PARD3: variants seen among roughly 807,000 people sequenced by gnomAD.
The protein encoded by PARD3 is par-3 family cell polarity regulator.
A neutral mutation model predicts 155.4 loss-of-function variants in PARD3; 75 were observed. That is an observed-to-expected ratio of 0.48 (90% CI 0.40 to 0.58). The LOEUF (loss-of-function observed/expected upper bound fraction) is 0.58, where lower values mean the gene tolerates loss of function less well. PARD3 is among the 20% of genes least tolerant of loss of function. The pLI, the probability that PARD3 is intolerant of heterozygous loss-of-function variation, is 0.00. For missense variants in PARD3, 1,642 were observed against 1,721.7 expected, an observed-to-expected ratio of 0.95 and a Z score of 0.82; for synonymous variants, 576 against 610.5, an observed-to-expected ratio of 0.94 and a Z score of 0.83.
chr10:34,705,183 G>A (rs1021933573), intron 1 of PARD3, among the ~76,000 whole-genome samples: 11 of 152,116 alleles, frequency 7.2e-5, no homozygotes, highest in African/African-American at 2.2e-4. Context: ...ATGCTGATTG[G>A]CCAGGTGCAG....
chr10:34,780,188 G>C (rs1480932090), intron 1 of PARD3, among the ~76,000 whole-genome samples: 1 of 152,140 alleles, frequency 6.6e-6, no homozygotes, highest in African/African-American at 2.4e-5. Context: ...ATTTGCTCTT[G>C]ACACAACTAA....
At chr10:34,159,259 C>T (rs1467525838) in intron 22 of PARD3, among the ~76,000 whole-genome samples, 3 of 152,132 alleles carry the variant, frequency 2.0e-5, no homozygotes, top group South Asian at 2.1e-4. Context: ...GGAGGTTATA[C>T]GTGTTCTCTT....
At chr10:34,725,259 T>A (rs1049267010) in intron 1 of PARD3, among the ~76,000 whole-genome samples, 1 of 151,926 alleles carries the variant, frequency 6.6e-6, no homozygotes, top group Non-Finnish European at 1.5e-5. Flanking sequence ...TTCAAGCGAT[T>A]CTCCTGCCTC....
At chr10:34,491,655 A>C (rs2079916013) in intron 3 of PARD3, among the ~76,000 whole-genome samples, 2 of 152,258 alleles carry the variant, frequency 1.3e-5, no homozygotes, top group Non-Finnish European at 2.9e-5. Context: ...AAGTTTCAAT[A>C]ATAATCAAGG....
rs867860650 is a variant in PARD3 at position 34,570,169 on chromosome 10, A to C, written c.223-53010T>G. 2.6e-5 allele frequency among the ~76,000 whole-genome samples: 4 copies of C among 152,296 alleles called. No individual in the cohort carries two copies. The South Asian group carries it at 6.2e-4, about 24-fold the overall frequency. ...CAAAATACTCAAATACATATATTTC[A>C]ATTTCTACCCATTGTTGGAGTTATT... On this transcript the variant is annotated intron_variant, in intron 2 of 24. Coordinates refer to ENST00000374788, the MANE Select transcript of PARD3 (RefSeq NM_001184785.2).
chr10:34,197,620 G>C (rs1951009214), intron 22 of PARD3, among the ~76,000 whole-genome samples: 1 of 152,110 alleles, frequency 6.6e-6, no homozygotes, highest in Admixed American at 6.5e-5. Context: ...ATAAATTCAG[G>C]CCTCCAGGTT....
intron 7 of PARD3, among the ~76,000 whole-genome samples, chr10:34,389,307 G>C (rs1280450295): frequency 7.0e-6 from 1 of 142,772 alleles, no homozygotes; most frequent in Non-Finnish European, 1.5e-5. Flanking sequence ...CCATTGAAAT[G>C]CTGCTTCTTT....
intron 2 of PARD3, among the ~76,000 whole-genome samples, chr10:34,624,142 G>GT (rs1292980240): frequency 6.6e-6 from 1 of 152,168 alleles, no homozygotes; most frequent in Admixed American, 6.5e-5. Flanking sequence ...GGAGACTCTA[G>GT]AATCCTTCAG....
At chr10:34,552,635 A>G (rs574001628) in intron 2 of PARD3, among the ~76,000 whole-genome samples, 1 of 152,036 alleles carries the variant, frequency 6.6e-6, no homozygotes, top group East Asian at 1.9e-4. Context: ...AATTGGTTGA[A>G]CCCAGGAAGC....
At chr10:34,464,015 T>G (rs1434490070) in intron 4 of PARD3, among the ~76,000 whole-genome samples, 1 of 152,070 alleles carries the variant, frequency 6.6e-6, no homozygotes, top group Non-Finnish European at 1.5e-5. Flanking sequence ...AATGCAATTC[T>G]CAGGATGTAT....
At chr10:34,236,055 A>T (rs1169672222) in intron 22 of PARD3, among the ~76,000 whole-genome samples, 1 of 152,190 alleles carries the variant, frequency 6.6e-6, no homozygotes, top group Non-Finnish European at 1.5e-5. Flanking sequence ...ATCAGAGTTT[A>T]AAAAGACCTT....
chr10:34,777,367 G>A (rs1839712001), intron 1 of PARD3, among the ~76,000 whole-genome samples: 1 of 152,098 alleles, frequency 6.6e-6, no homozygotes. Context: ...CAGCCTGAGA[G>A]GAGTTGAGAA....
intron 2 of PARD3, among the ~76,000 whole-genome samples, chr10:34,595,918 G>A (rs531491702): frequency 2.0e-5 from 3 of 152,238 alleles, no homozygotes; most frequent in Admixed American, 2.0e-4. Flanking sequence ...CTTAAGCCTA[G>A]GAGTTCGAGA....
At chr10:34,579,048 G>A (rs970790106) in intron 2 of PARD3, among the ~76,000 whole-genome samples, 1 of 152,150 alleles carries the variant, frequency 6.6e-6, no homozygotes, top group Non-Finnish European at 1.5e-5. Flanking sequence ...AAGGAGGGTG[G>A]ATCACAGAGT....
At chr10:34,134,792 C>A (rs1396892808) in intron 22 of PARD3, among the ~76,000 whole-genome samples, 1 of 152,144 alleles carries the variant, frequency 6.6e-6, no homozygotes, top group Non-Finnish European at 1.5e-5. Context: ...CCGTCAAGCC[C>A]CCTTGGGGAA....
chr10:34,653,777 T>C (rs575159209), intron 2 of PARD3, among the ~76,000 whole-genome samples: 157 of 125,596 alleles, frequency 1.3e-3, no homozygotes, highest in Non-Finnish European at 1.9e-3. Flanking sequence ...CTGGGCAACA[T>C]AGCAAGACCT....
At chr10:34,251,165 T>C (rs765001046) in intron 22 of PARD3, among the ~76,000 whole-genome samples, 4 of 152,150 alleles carry the variant, frequency 2.6e-5, no homozygotes, top group Non-Finnish European at 5.9e-5. Context: ...GGTAAAGAGG[T>C]ACAGACATCA....
chr10:34,163,818 G>A (rs1274802188), intron 22 of PARD3, among the ~76,000 whole-genome samples: 4 of 152,144 alleles, frequency 2.6e-5, no homozygotes, highest in African/African-American at 9.7e-5. Flanking sequence ...ATGTTTTACA[G>A]CAAGGATCTA....
chr10:34,610,691 ATTTTG>A (rs1355648710), intron 2 of PARD3, among the ~76,000 whole-genome samples: 3 of 152,176 alleles, frequency 2.0e-5, no homozygotes, highest in South Asian at 2.1e-4. Flanking sequence ...TGCTGACAGC[ATTTTG>A]TTTTATTTCA....
Sources: gnomAD v4.1 joint callset for allele counts (sites outside exome capture counted in the v4.1 genomes callset) on GRCh38, gnomAD v4.1.1 for gene constraint, MANE v1.5 for transcripts, NCBI Gene and HGNC (gene_info 2026-07-23, HGNC 2026-07-21) for gene names.